Variants in UNC79 observed in about 807,000 individuals in gnomAD.
The protein encoded by UNC79 is unc-79 subunit of NALCN channel complex, also known as protein unc-79 homolog.
UNC79 carries 37 observed loss-of-function variants against 283.1 expected under a neutral mutation model. The observed-to-expected ratio is 0.13, with a 90% CI of 0.10 to 0.17. The LOEUF (loss-of-function observed/expected upper bound fraction) is 0.17. UNC79 is among the 10% of genes least tolerant of loss of function. UNC79 has a pLI of 1.00. For synonymous variants in UNC79, 1,107 were observed against 1,200.2 expected, an observed-to-expected ratio of 0.92 and a Z score of 1.61; for missense variants, 2,272 against 3,211.1, an observed-to-expected ratio of 0.71 and a Z score of 7.07.
chr14:93,675,470 T>A (rs2073260905), intron 41 of UNC79, among the ~76,000 whole-genome samples: 1 of 152,006 alleles, frequency 6.6e-6, no homozygotes, highest in Admixed American at 6.5e-5. Flanking sequence ...AAAAAAAAAA[T>A]TCCCACATAG....
chr14:93,497,510 A>G (rs553833111), intron 7 of UNC79, among the ~76,000 whole-genome samples: 1 of 152,340 alleles, frequency 6.6e-6, no homozygotes, highest in East Asian at 1.9e-4. Context: ...TCTCAGTCCC[A>G]TTTGCTGTAC....
intron 1 of UNC79, among the ~76,000 whole-genome samples, chr14:93,407,587 T>C (rs1412595821): frequency 3.9e-5 from 6 of 152,122 alleles, no homozygotes; most frequent in Admixed American, 1.3e-4. Context: ...TAAAGGAAAC[T>C]ACCAGGCCTT....
At chr14:93,707,691 GATGTTTCATAAA>G (rs894852154), downstream of UNC79, 10 of 152,218 alleles carry the variant, frequency 6.6e-5, no homozygotes, top group East Asian at 3.9e-4. Context: ...CACCTGGAGT[GATGTTTCATAAA>G]ACGGAATTTT....
chr14:93,507,555 G>A (rs1265876963), intron 7 of UNC79, among the ~76,000 whole-genome samples: 1 of 151,870 alleles, frequency 6.6e-6, no homozygotes, highest in African/African-American at 2.4e-5. Context: ...TTATTGATTG[G>A]GTTCTTTATC....
chr14:93,553,708 A>T (rs1567101654), intron 14 of UNC79, among the ~76,000 whole-genome samples: 1 of 152,244 alleles, frequency 6.6e-6, no homozygotes, highest in African/African-American at 2.4e-5. Context: ...ACTATGGAAT[A>T]CATATTAATC....
intron 47 of UNC79, among the ~76,000 whole-genome samples, chr14:93,697,634 A>G (rs1339409199): frequency 6.6e-6 from 1 of 152,118 alleles, no homozygotes; most frequent in Non-Finnish European, 1.5e-5. Context: ...GGGTGGACAC[A>G]GTGGCTCATG....
intron 1 of UNC79, among the ~76,000 whole-genome samples, chr14:93,452,922 T>C (rs2140178356): frequency 6.6e-6 from 1 of 152,308 alleles, no homozygotes; most frequent in East Asian, 1.9e-4. Flanking sequence ...TATTTAATTG[T>C]TGTTCAATTT....
intron 12 of UNC79, among the ~76,000 whole-genome samples, chr14:93,538,815 A>AT: frequency 6.6e-6 from 1 of 151,420 alleles, no homozygotes; most frequent in Non-Finnish European, 1.5e-5. Flanking sequence ...AAAAAAAAAA[A>AT]AAAAAAAGCA....
chr14:93,597,435 G>T, exon 24 of UNC79: 1 of 1,614,160 alleles, frequency 6.2e-7, no homozygotes, highest in East Asian at 2.2e-5. Flanking sequence ...AGTACTCCCT[G>T]GCACATGCCT....
chr14:93,359,670 A>G (rs562883744), intron 1 of UNC79, among the ~76,000 whole-genome samples: 4 of 152,172 alleles, frequency 2.6e-5, no homozygotes, highest in African/African-American at 9.7e-5. Flanking sequence ...CTGCATTCCT[A>G]CTTAATTTAT....
At chr14:93,681,734 T>C (rs1254789370) in intron 41 of UNC79, among the ~76,000 whole-genome samples, 1 of 152,234 alleles carries the variant, frequency 6.6e-6, no homozygotes, top group African/African-American at 2.4e-5. Flanking sequence ...CAGGACCTAA[T>C]TGCTCATAGC....
chr14:93,688,692 C>T lies in UNC79; in HGVS notation c.6937C>T (p.Leu2313=), dbSNP rs781634294. The change falls in exon 44 of 49, where the codon CTG becomes TTG. Residue 2313 remains leucine, a synonymous_variant. Coordinates refer to ENST00000555664, the Ensembl canonical transcript of UNC79. This position sits in a 1 kb window ranked among gnomAD's most constrained non-coding sequence, Gnocchi z 4.0. Reference sequence around the variant, plus strand: ...CCACATGAAGACATGTTCCCAGCCTCTGCATGAAGATACCTTTGGGGGACA... The same window carrying T: ...CCACATGAAGACATGTTCCCAGCCTTTGCATGAAGATACCTTTGGGGGACA... 3.3e-5 allele frequency: 54 copies of T among 1,613,936 alleles called. No individual in the cohort carries two copies. In the South Asian group the frequency reaches 5.7e-4, roughly 17 times the overall value.
exon 14 of UNC79, chr14:93,542,545 A>G: frequency 6.2e-7 from 1 of 1,614,050 alleles, no homozygotes; most frequent in African/African-American, 1.3e-5. Context: ...CAGTGGTTTC[A>G]CTCCACTGCG....
chr14:93,398,588 T>C (rs1488086293), intron 1 of UNC79, among the ~76,000 whole-genome samples: 3 of 152,196 alleles, frequency 2.0e-5, no homozygotes, highest in African/African-American at 7.2e-5. Context: ...GGGCAGGCAT[T>C]GCAGCTTATC....
chr14:93,654,039 A>C lies in UNC79; in HGVS notation c.6282+14A>C, dbSNP rs935475602. 1.9e-6 allele frequency: 3 copies of C among 1,613,460 alleles called. No homozygotes were observed. Among genetic ancestry groups the C allele is most frequent in the African/African-American group, 2.7e-5 (2 of 75,022 alleles). On this transcript the variant is annotated intron_variant, in intron 37 of 48. Coordinates refer to ENST00000555664, the Ensembl canonical transcript of UNC79. ...CAGCTCCTAGAGGTGGGTTTCCTTT[A>C]ATGACACCCTAAGCCCCAGCCGAAA...
rs2064244556 is a variant in UNC79, at chr14:93,586,691, T to C, written c.2883+16T>C. The C allele has an allele frequency of 1.2e-6, 2 of 1,613,336 alleles. No homozygotes were observed. The highest frequency in any genetic ancestry group is 1.7e-6 in the Non-Finnish European group (2 of 1,179,764). The stretch of plus-strand genomic sequence containing the variant: ...CATTTTCCAGGTATATTTTCTGATG[T>C]CTTTGAATACTTGGCTTGGTAGCAT... On this transcript the variant is annotated intron_variant, in intron 21 of 48. Coordinates refer to ENST00000555664, the Ensembl canonical transcript of UNC79.
chr14:93,342,231 TC>T (rs1278145700), intron 1 of UNC79, among the ~76,000 whole-genome samples: 1 of 152,198 alleles, frequency 6.6e-6, no homozygotes, highest in Non-Finnish European at 1.5e-5. Flanking sequence ...AGGTGGAGAC[TC>T]CCAAAGCTTA....
At position 93,375,938 on chromosome 14, in the gene UNC79, G is replaced by T. The variant is rs1439046355; in HGVS notation, c.-351+42415G>T. On this transcript the variant is annotated intron_variant, in intron 1 of 49. Coordinates refer to the UNC79 transcript ENST00000256339. ...ACTGGTGGCCTTATAAAAAGAGGAA[G>T]CGAGACCTGAGCTAGCATGTTAGGC... is the stretch of plus-strand genomic sequence containing the variant. Among the ~76,000 whole-genome samples, 18 of 124,416 alleles carry T rather than the reference G, an allele frequency of 1.4e-4. No individual in the cohort carries two copies. The Admixed American group carries it at 1.6e-3, about 11-fold the overall frequency. 81.6% of individuals were successfully genotyped at this position (124,416 alleles called of 152,430 possible).
At chr14:93,675,456 G>A (rs1201992363) in intron 41 of UNC79, among the ~76,000 whole-genome samples, 1 of 150,480 alleles carries the variant, frequency 6.6e-6, no homozygotes, top group East Asian at 1.9e-4. Context: ...TGACATGTAA[G>A]TTAAAAAAAA....
Sources: gnomAD v4.1 joint callset for allele counts (sites outside exome capture counted in the v4.1 genomes callset) on GRCh38, gnomAD v4.1.1 for gene constraint, Gnocchi (gnomAD v3.1) non-coding constraint, MANE v1.5 for transcripts, NCBI Gene and HGNC (gene_info 2026-07-23, HGNC 2026-07-21) for gene names.